Variants in MEIOB observed in about 807,000 individuals in gnomAD.
MEIOB encodes the protein meiosis-specific with OB domain-containing protein.
In MEIOB, 50 loss-of-function variants were observed where a neutral mutation model predicts 53.1. The observed-to-expected ratio is 0.94, with a 90% CI of 0.75 to 1.19. MEIOB has a LOEUF of 1.19. MEIOB is among the 50% of genes most tolerant of loss of function. The probability of loss-of-function intolerance (pLI) is 0.00; values close to 1 mark genes in which losing one functional copy is unlikely to be tolerated. For missense variants in MEIOB, 551 were observed against 550.8 expected, an observed-to-expected ratio of 1.00 and a Z score of 0.00; for synonymous variants, 192 against 182.5, an observed-to-expected ratio of 1.05 and a Z score of -0.42.
chr16:1,837,357 A>G (rs1314616286), intron 13 of MEIOB, among the ~76,000 whole-genome samples: 1 of 152,054 alleles, frequency 6.6e-6, no homozygotes, highest in African/African-American at 2.4e-5. Context: ...GGGTGGGGAC[A>G]ACCTAGTCTG....
intron 10 of MEIOB, 24 bp downstream of exon 10, chr16:1,844,838 A>C (rs1223798288): frequency 7.4e-7 from 1 of 1,345,194 alleles, no homozygotes; most frequent in South Asian, 1.3e-5. Flanking sequence ...AAAAAAATCC[A>C]AATATATTTA....
intron 13 of MEIOB, among the ~76,000 whole-genome samples, chr16:1,837,056 A>T (rs1381991192): frequency 6.6e-6 from 1 of 152,102 alleles, no homozygotes; most frequent in Admixed American, 6.5e-5. Flanking sequence ...TCTCATCTGC[A>T]ATAGGGGAGT....
chr16:1,847,821 A>T (rs1323046350), intron 9 of MEIOB, among the ~76,000 whole-genome samples: 1 of 152,166 alleles, frequency 6.6e-6, no homozygotes, highest in Non-Finnish European at 1.5e-5. Flanking sequence ...ACACTCTATC[A>T]AGTTTACCTC....
At chr16:1,855,092 AGT>A (rs1567278010) in intron 6 of MEIOB, among the ~76,000 whole-genome samples, 288 of 151,956 alleles carry the variant, frequency 1.9e-3, no homozygotes, top group Non-Finnish European at 3.1e-3. Flanking sequence ...GGAGTTTTAA[AGT>A]GAAACGCCAG....
At chr16:1,846,068 C>G (rs1024049951) in intron 9 of MEIOB, among the ~76,000 whole-genome samples, 1 of 152,206 alleles carries the variant, frequency 6.6e-6, no homozygotes, top group African/African-American at 2.4e-5. Context: ...TCCATCTGAC[C>G]AGCCACTCAT....
chr16:1,866,328 A>G (rs1432917984), intron 2 of MEIOB, among the ~76,000 whole-genome samples: 1 of 152,246 alleles, frequency 6.6e-6, no homozygotes, highest in East Asian at 1.9e-4. Context: ...TCTAAATTCT[A>G]AAGTCCTAGA....
rs375285769 is a variant in MEIOB, at chr16:1,856,444, T to G, written c.528+1291A>C. 1.7e-4 allele frequency among the ~76,000 whole-genome samples: 26 copies of G among 151,902 alleles called. No individual in the cohort carries two copies. In the East Asian group the frequency reaches 4.9e-3, roughly 29 times the overall value. ...ACGCCATTCTCCTGCCTCAGCCTCCTGAGTAGCTGGGACTACAGGCGCCCA... is the reference window on the plus strand; with the variant it reads ...ACGCCATTCTCCTGCCTCAGCCTCCGGAGTAGCTGGGACTACAGGCGCCCA... On this transcript the variant is annotated intron_variant, in intron 6 of 13. Coordinates refer to ENST00000325962, the MANE Select transcript of MEIOB (RefSeq NM_001163560.3).
intron 13 of MEIOB, among the ~76,000 whole-genome samples, chr16:1,836,470 CT>C (rs1318396421): frequency 2.0e-5 from 3 of 152,144 alleles, no homozygotes; most frequent in Non-Finnish European, 4.4e-5. Flanking sequence ...GGTCAAGGAC[CT>C]AAGCATGCCC....
chr16:1,837,633 C>T (rs1898785065), intron 13 of MEIOB, 151 bp downstream of exon 13: 1 of 482,264 alleles, frequency 2.1e-6, no homozygotes, highest in Non-Finnish European at 3.7e-6. Flanking sequence ...TGGCTATTTC[C>T]TTTGCTTTTA....
chr16:1,865,667 G>T, intron 3 of MEIOB, 111 bp downstream of exon 3: 1 of 727,474 alleles, frequency 1.4e-6, no homozygotes, highest in East Asian at 2.8e-5. Flanking sequence ...CATGACCATT[G>T]CTCTTAAGGA....
chr16:1,845,288 A>G (rs3848351), intron 9 of MEIOB, among the ~76,000 whole-genome samples: 26,629 of 152,046 alleles, frequency 0.18, 2,461 homozygotes, highest in South Asian at 0.26. Context: ...GGGAGGCTGA[A>G]GCAGGTGAAT....
intron 3 of MEIOB, among the ~76,000 whole-genome samples, 173 bp from the exon 4 acceptor site, chr16:1,862,289 G>A (rs2150822421): frequency 6.6e-6 from 1 of 152,214 alleles, no homozygotes; most frequent in Admixed American, 6.5e-5. Flanking sequence ...AGTACAAAAT[G>A]TTCTTTCAGA....
chr16:1,851,164 C>T (rs1267294543), intron 9 of MEIOB, among the ~76,000 whole-genome samples: 1 of 152,168 alleles, frequency 6.6e-6, no homozygotes, highest in Non-Finnish European at 1.5e-5. Flanking sequence ...CCAGTGCACT[C>T]TAACAGCCTC....
At chr16:1,871,722 AC>A (rs1159574173) in intron 1 of MEIOB, among the ~76,000 whole-genome samples, 1 of 146,368 alleles carries the variant, frequency 6.8e-6, no homozygotes, top group Non-Finnish European at 1.5e-5. Flanking sequence ...ATGGGGTTGC[AC>A]CTGAGGTGGG....
intron 3 of MEIOB, among the ~76,000 whole-genome samples, chr16:1,862,776 G>A (rs1899479274): frequency 6.6e-6 from 1 of 152,100 alleles, no homozygotes; most frequent in South Asian, 2.1e-4. Flanking sequence ...AACTTAGCCA[G>A]GCGTGGTGGT....
At chr16:1,866,319 C>G (rs1289502955) in intron 2 of MEIOB, among the ~76,000 whole-genome samples, 1 of 152,182 alleles carries the variant, frequency 6.6e-6, no homozygotes, top group African/African-American at 2.4e-5. Context: ...GCTAATAAAT[C>G]TAAATTCTAA....
At chr16:1,855,931 C>CTTTTTTTTTTTT (rs34688365) in intron 6 of MEIOB, among the ~76,000 whole-genome samples, 1 of 131,276 alleles carries the variant, frequency 7.6e-6, no homozygotes, top group African/African-American at 2.8e-5. Context: ...GTGTTTTTTC[C>CTTTTTTTTTTTT]TTTTTTTTTT....
chr16:1,869,707 T>A (rs1456526779), intron 1 of MEIOB, among the ~76,000 whole-genome samples: 1 of 150,380 alleles, frequency 6.6e-6, no homozygotes, highest in East Asian at 2.0e-4. Flanking sequence ...CACCTCGGCC[T>A]CCCAAAGTGC....
At chr16:1,863,474 C>T (rs34227704) in intron 3 of MEIOB, among the ~76,000 whole-genome samples, 9 of 151,880 alleles carry the variant, frequency 5.9e-5, no homozygotes, top group Non-Finnish European at 1.2e-4. Context: ...GCAACCTCTG[C>T]CTCCTGGGTT....
Sources: allele counts gnomAD v4.1 joint callset (sites outside exome capture counted in the v4.1 genomes callset), GRCh38; gene constraint gnomAD v4.1.1; transcripts MANE v1.5; gene names NCBI Gene and HGNC (gene_info 2026-07-23, HGNC 2026-07-21).